The following USP25 variants were observed in gnomAD, a reference collection of about 807,000 sequenced individuals.
USP25 encodes the protein ubiquitin carboxyl-terminal hydrolase 25.
USP25 carries 85 observed loss-of-function variants against 158.5 expected under a neutral mutation model. The ratio of observed to expected loss-of-function variants is 0.54; its 90% CI spans 0.45 to 0.64. USP25 has a LOEUF of 0.64. Among genes scored for constraint, USP25 ranks in the 30% least tolerant of loss-of-function variants. The pLI is 0.00. For synonymous variants in USP25, 464 were observed against 460.4 expected (o/e 1.01, Z -0.10); for missense variants, 1,242 against 1,327.3 (o/e 0.94, Z 1.00).
chr21:15,762,710 A>T (rs74768134), intron 1 of USP25, among the ~76,000 whole-genome samples, 181 bp from the exon 2 acceptor site: 3,604 of 152,280 alleles, frequency 0.024, 132 homozygotes, highest in African/African-American at 0.082. Context: ...CCACAGCATG[A>T]TTCATTCTTT....
intron 8 of USP25, 147 bp from the exon 9 acceptor site, chr21:15,810,990 G>A (rs59084861): frequency 0.086 from 54,634 of 637,658 alleles, 2,614 homozygotes; most frequent in East Asian, 0.11. Context: ...CTTGTGCAAC[G>A]TGGCACTGTA....
intron 1 of USP25, among the ~76,000 whole-genome samples, chr21:15,730,649 T>C (rs2030726349): frequency 6.6e-6 from 1 of 152,212 alleles, no homozygotes; most frequent in Non-Finnish European, 1.5e-5. Context: ...TTCAATCCAC[T>C]TCCTTCTGCC....
intron 20 of USP25, among the ~76,000 whole-genome samples, chr21:15,857,588 C>G (rs929877665): frequency 2.0e-5 from 3 of 151,962 alleles, no homozygotes; most frequent in Non-Finnish European, 4.4e-5. Context: ...GTTTATTACA[C>G]TGAGTTTCTT....
chr21:15,771,587 T>C (rs2034355990), intron 3 of USP25, among the ~76,000 whole-genome samples: 1 of 152,114 alleles, frequency 6.6e-6, no homozygotes, highest in Admixed American at 6.6e-5. Context: ...AGTATTCTCG[T>C]TTCTGATCTC....
intron 17 of USP25, among the ~76,000 whole-genome samples, chr21:15,841,988 C>T (rs969535062): frequency 2.0e-5 from 3 of 152,138 alleles, no homozygotes; most frequent in Non-Finnish European, 4.4e-5. Context: ...AAGATTTTGT[C>T]AGGAAGTGTG....
intron 18 of USP25, 127 bp downstream of exon 18, chr21:15,842,667 A>G: frequency 1.7e-6 from 2 of 1,146,704 alleles, no homozygotes; most frequent in South Asian, 3.9e-5. Context: ...CATGGGCATG[A>G]TCAGTGACCA....
At chr21:15,827,339 A>G (rs1001453202) in intron 14 of USP25, 136 bp downstream of exon 14, 9 of 809,144 alleles carry the variant, frequency 1.1e-5, no homozygotes, top group Non-Finnish European at 1.7e-5. Flanking sequence ...GGGTTTTAAG[A>G]TAAACTAGTT....
rs1287337494 is a variant in USP25, at chr21:15,842,484, A to G, written c.2281A>G (p.Ile761Val). 2 of 1,613,722 alleles carry G rather than the reference A, an allele frequency of 1.2e-6. No individual in the cohort carries two copies. The highest frequency in any genetic ancestry group is 1.7e-6 in the Non-Finnish European group (2 of 1,179,798). Residue 761 changes from isoleucine (I) to valine (V), a missense_variant, in exon 18 of 26, where the codon ATT (isoleucine) becomes GTT (valine). Coordinates refer to ENST00000400183, the MANE Select transcript of USP25 (RefSeq NM_001283041.3). Reference sequence around the variant, plus strand: ...CTTGAAAGAAGAAACTATTCAAATAATTACCAAGGCATCACATGAGCATGA... The same window carrying G: ...CTTGAAAGAAGAAACTATTCAAATAGTTACCAAGGCATCACATGAGCATGA... The part of the protein sequence containing the change: ...KHLKEETIQI[I>V]TKASHEHEDK...
intron 1 of USP25, among the ~76,000 whole-genome samples, chr21:15,734,156 G>T (rs1456950587): frequency 6.6e-6 from 1 of 152,182 alleles, no homozygotes; most frequent in African/African-American, 2.4e-5. Flanking sequence ...GAATCTAACA[G>T]ATCTACAGTC....
chr21:15,766,114 A>G lies in USP25; in HGVS notation c.241A>G (p.Ile81Val), dbSNP rs749173918. Reference sequence around the variant, plus strand: ...AGCACTTCCTGGCAATGATAGATACATCAGTGTGGGAAGCCAAGCAGATAC... The same window carrying G: ...AGCACTTCCTGGCAATGATAGATACGTCAGTGTGGGAAGCCAAGCAGATAC... Reference protein sequence around the residue: ...QTALPGNDRYISVGSQADTNV... With the variant: ...QTALPGNDRYVSVGSQADTNV... The change falls in exon 3 of 26, where the codon ATC becomes GTC. Residue 81 changes from isoleucine to valine, a missense_variant. Around this residue, in one of 3 missense-constraint regions of USP25, gnomAD observed 627 missense variants for 701.4 expected, o/e 0.89. Transcript: ENST00000400183. This position sits in a 1 kb window ranked among gnomAD's most constrained non-coding sequence, Gnocchi z 4.0. The G allele has an allele frequency of 6.2e-7, 1 of 1,606,240 alleles. No individual in the cohort carries two copies. Among genetic ancestry groups the G allele is most frequent in the East Asian group, 2.2e-5 (1 of 44,642 alleles).
intron 1 of USP25, among the ~76,000 whole-genome samples, chr21:15,742,298 CG>C (rs2032137204): frequency 6.6e-6 from 1 of 151,948 alleles, no homozygotes; most frequent in African/African-American, 2.4e-5. Context: ...TACATCCTCA[CG>C]GAAGTGGGAT....
chr21:15,824,932 T>C (rs749653335), intron 11 of USP25, 34 bp from the exon 12 acceptor site: 41 of 1,540,450 alleles, frequency 2.7e-5, no homozygotes, highest in Non-Finnish European at 3.5e-5. Flanking sequence ...TTTCATGATA[T>C]TCGGAAATGC....
intron 20 of USP25, among the ~76,000 whole-genome samples, chr21:15,853,310 TACAC>T (rs1012710359): frequency 4.6e-5 from 7 of 151,796 alleles, no homozygotes; most frequent in Non-Finnish European, 8.8e-5. Context: ...TACACACAGG[TACAC>T]ACATGTACAC....
intron 12 of USP25, among the ~76,000 whole-genome samples, chr21:15,825,375 AAATG>A (rs2037451264): frequency 6.6e-6 from 1 of 152,206 alleles, no homozygotes; most frequent in Non-Finnish European, 1.5e-5. Context: ...ATTTTCATTA[AAATG>A]AATGGTATCT....
intron 1 of USP25, among the ~76,000 whole-genome samples, chr21:15,755,974 T>C (rs1037899653): frequency 4.6e-5 from 7 of 152,082 alleles, no homozygotes; most frequent in Non-Finnish European, 5.9e-5. Flanking sequence ...TTCCGGGCTC[T>C]GGGAGAGATG....
intron 1 of USP25, among the ~76,000 whole-genome samples, chr21:15,741,238 ATAT>A (rs1050731115): frequency 3.3e-5 from 5 of 151,128 alleles, no homozygotes; most frequent in African/African-American, 9.7e-5. Flanking sequence ...CTATGGAGTA[ATAT>A]TATATAAATA....
intron 1 of USP25, among the ~76,000 whole-genome samples, chr21:15,736,536 A>C (rs1404361829): frequency 1.3e-5 from 2 of 151,996 alleles, no homozygotes; most frequent in Admixed American, 6.6e-5. Context: ...GGATAGACCA[A>C]ATTTTCATTG....
At chr21:15,768,680 GT>G (rs1209435680) in intron 3 of USP25, among the ~76,000 whole-genome samples, 1 of 152,058 alleles carries the variant, frequency 6.6e-6, no homozygotes, top group South Asian at 2.1e-4. Context: ...AGATCAGAGT[GT>G]GAGTTTTCAA....
chr21:15,820,026 G>A (rs903869936), intron 10 of USP25, among the ~76,000 whole-genome samples: 4 of 151,934 alleles, frequency 2.6e-5, no homozygotes, highest in African/African-American at 9.7e-5. Flanking sequence ...ATAGGGATGT[G>A]GTATATGGAC....
Sources: gnomAD v4.1 joint callset for allele counts (sites outside exome capture counted in the v4.1 genomes callset) on GRCh38, gnomAD v4.1.1 for gene constraint, gnomAD v4.1.1 regional missense constraint, Gnocchi (gnomAD v3.1) non-coding constraint, MANE v1.5 for transcripts, NCBI Gene and HGNC (gene_info 2026-07-23, HGNC 2026-07-21) for gene names.